Variants in TMEM179B observed in about 807,000 individuals in gnomAD.
The protein encoded by TMEM179B is transmembrane protein 179B.
A neutral mutation model predicts 18.0 loss-of-function variants in TMEM179B; 13 were observed. That is an observed-to-expected ratio of 0.72 (90% CI 0.47 to 1.15). TMEM179B has a LOEUF of 1.15. TMEM179B is among the 50% of genes most tolerant of loss of function. TMEM179B has a pLI of 0.00. For missense variants in TMEM179B, 320 were observed against 270.6 expected (o/e 1.18, Z -1.28); for synonymous variants, 159 against 117.5 (o/e 1.35, Z -2.29).
Position 62,789,635 on chromosome 11 carries a change from C to G in TMEM179B, c.454C>G (p.Pro152Ala). 1 of 1,550,652 alleles carries G rather than the reference C, an allele frequency of 6.4e-7. No individual in the cohort carries two copies. Among genetic ancestry groups the G allele is most frequent in the Non-Finnish European group, 8.7e-7 (1 of 1,152,618 alleles). Residue 152 changes from proline to alanine, a missense_variant, in exon 4 of 5, where the codon CCT becomes GCT. Coordinates refer to ENST00000333449, the MANE Select transcript of TMEM179B (RefSeq NM_199337.3). ...AGCCCAGAAAATTCCATGGACACCC[C>G]CTGGAACTGCTCTGCAGTTTTACTC... ...SEAQKIPWTP[P>A]GTALQFYSNL...
Position 62,789,385 on chromosome 11 carries a change from G to C in TMEM179B, c.378G>C (p.Arg126Ser), listed in dbSNP as rs1554999437. 1 of 1,613,878 alleles carries C rather than the reference G, an allele frequency of 6.2e-7. No homozygotes were observed. Among genetic ancestry groups the C allele is most frequent in the African/African-American group, 1.3e-5 (1 of 74,986 alleles). The change falls in exon 3 of 5, where the codon AGG (arginine) becomes AGC (serine). Residue 126 changes from arginine to serine, a missense_variant. Transcript: ENST00000333449. ...VSACILRFGTRSLCNSIISLN... is the reference protein window; with the variant it reads ...VSACILRFGTSSLCNSIISLN... The stretch of plus-strand genomic sequence containing the variant: ...CCTGTATCCTTCGATTTGGCACCAG[G>C]TCTCTCTGCAACTCCATCATCTCCT...
At chr11:62,787,888 G>A (rs1355529982) in intron 1 of TMEM179B, 1 of 557,516 alleles carries the variant, frequency 1.8e-6, no homozygotes, top group Non-Finnish European at 3.4e-6. Context: ...GCTGAGCTTT[G>A]TCGAGAAATA....
chr11:62,787,751 G>T (rs2084304842), intron 1 of TMEM179B: 3 of 686,382 alleles, frequency 4.4e-6, no homozygotes, highest in Non-Finnish European at 7.7e-6. Flanking sequence ...AAAGGGACGG[G>T]TCAGTAGCGT....
rs1241438185 is a variant in TMEM179B at position 62,789,668 on chromosome 11, C to G, written c.487C>G (p.His163Asp). The change falls in exon 4 of 5, where the codon CAC (histidine) becomes GAC (aspartate). Residue 163 changes from histidine to aspartate, a missense_variant. By Grantham distance (81) the His-to-Asp change is moderately conservative. Transcript: ENST00000333449. ...TGCTCTGCAGTTTTACTCCAACCTA[C>G]ACAATGCTGAAGTGAGACCCAAGGA... ...GTALQFYSNL[H>D]NAETSSWVNL... is the part of the protein sequence containing the mutation. 5.8e-6 allele frequency: 9 copies of G among 1,547,638 alleles called. No homozygotes were observed. The South Asian group carries it at 8.9e-5, about 15-fold the overall frequency.
At chr11:62,787,579 A>T (rs1285436153) in intron 1 of TMEM179B, 52 bp downstream of exon 1, 27 of 1,469,364 alleles carry the variant, frequency 1.8e-5, no homozygotes, top group South Asian at 2.7e-5. Context: ...CGGTCTGGAC[A>T]TGGCGAGGCC....
rs769209455 is a variant in TMEM179B at position 62,787,418 on chromosome 11, G to C, written c.-14G>C. The C allele has an allele frequency of 7.1e-6, 11 of 1,557,474 alleles. No individual in the cohort carries two copies. The highest frequency in any genetic ancestry group is 9.5e-6 in the Non-Finnish European group (11 of 1,159,774). On this transcript the variant is annotated 5_prime_UTR_variant, in exon 1 of 5. Transcript: ENST00000333449. ...GGTGCTGCTGCAGCGGCGCTTCCTG[G>C]TGGTCAGGGCGCCATGGCGCTGTCC...
rs1281236333 is a variant in TMEM179B, at chr11:62,789,041, T to C, written c.115T>C (p.Cys39Arg). 6.2e-7 allele frequency: 1 copy of C among 1,613,118 alleles called. No individual in the cohort carries two copies. The highest frequency in any genetic ancestry group is 8.5e-7 in the Non-Finnish European group (1 of 1,179,260). ...TRTQGSFSGR[C>R]PLYGVATLNG... is the part of the protein sequence containing the mutation. ...TCCACAGGGCTCCTTCAGTGGTAGA[T>C]GTCCCCTGTATGGTGTGGCCACCCT... Residue 39 changes from cysteine (C) to arginine (R), a missense_variant, in exon 2 of 5, where the codon TGT becomes CGT. Cys to Arg is a radical substitution (Grantham distance 180, BLOSUM62 -3). Transcript: ENST00000333449.
At position 62,787,545 on chromosome 11, in the gene TMEM179B, G is replaced by A. The variant is rs771693218; in HGVS notation, c.96+18G>A. The A allele has an allele frequency of 6.5e-7, 1 of 1,539,544 alleles. No individual in the cohort carries two copies. Among genetic ancestry groups the A allele is most frequent in the Non-Finnish European group, 8.7e-7 (1 of 1,152,126 alleles). On this transcript the variant is annotated intron_variant, in intron 1 of 4. Coordinates refer to ENST00000333449, the MANE Select transcript of TMEM179B (RefSeq NM_199337.3). ...GGACCCAGGTGCGGCTGCGGGGCGG[G>A]GTCAGGTAGGCGGGGGAGCTGGCCG...
In TMEM179B at chr11:62,789,210, GGT is replaced by G. The variant is rs2084328672; in HGVS notation, c.284+2_284+3del. The G allele has an allele frequency of 6.2e-7, 1 of 1,614,010 alleles. No individual in the cohort carries two copies. The highest frequency in any genetic ancestry group is 8.5e-7 in the Non-Finnish European group (1 of 1,179,974). On this transcript the variant is annotated splice_donor_variant, in intron 2 of 4. Coordinates refer to ENST00000333449, the MANE Select transcript of TMEM179B (RefSeq NM_199337.3). LOFTEE classifies it high-confidence loss of function. Reference sequence around the variant, plus strand: ...AGCAGCTGCATCGAGGACTCCCACAGGTGACTGCCTAACCCTGAGGGCCAGGG... The same window carrying G: ...AGCAGCTGCATCGAGGACTCCCACAGGACTGCCTAACCCTGAGGGCCAGGG...
chr11:62,788,427 G>A (rs568894471), intron 1 of TMEM179B, among the ~76,000 whole-genome samples: 4 of 151,528 alleles, frequency 2.6e-5, no homozygotes, highest in Non-Finnish European at 5.9e-5. Context: ...AACACTGGCC[G>A]GGCCTGGTGG....
chr11:62,790,355 A>AGGTACTGTTAGGCAG lies in TMEM179B; in HGVS notation c.*308_*309insGGTACTGTTAGGCAG, dbSNP rs2084345696. The AGGTACTGTTAGGCAG allele has an allele frequency of 5.5e-6, 3 of 545,370 alleles. No individual in the cohort carries two copies. In the African/African-American group the frequency reaches 5.7e-5, roughly 10 times the overall value. The allele number at this position is 545,370 out of a possible 1,614,324, so 33.8% of individuals were successfully genotyped here. A position where few individuals can be genotyped will look rare whatever the true frequency, so the allele number is the denominator to read the frequency against. On this transcript the variant is annotated 3_prime_UTR_variant, in exon 5 of 5. Transcript: ENST00000333449. ...CTGTTAGGCAGCTGCCCTAGGGATGACTGCTCCTTTATTTGTTGTTAATGA... is the reference window on the plus strand; with the variant it reads ...CTGTTAGGCAGCTGCCCTAGGGATGAGGTACTGTTAGGCAGCTGCTCCTTTATTTGTTGTTAATGA...
In TMEM179B at chr11:62,790,240, C is replaced by T. The variant is rs1414901576; in HGVS notation, c.*193C>T. On this transcript the variant is annotated 3_prime_UTR_variant, in exon 5 of 5. Transcript: ENST00000333449. ...TACCAAAATATTATATTACTGTCTT[C>T]ATCTTAGTAGTGAGTTTTTGATGTT... The T allele has an allele frequency of 9.4e-6, 6 of 639,206 alleles. No individual in the cohort carries two copies. Among genetic ancestry groups the T allele is most frequent in the African/African-American group, 1.8e-5 (1 of 54,552 alleles). The allele number at this position is 639,206 out of a possible 1,614,324, so 39.6% of individuals were successfully genotyped here.
chr11:62,787,609 G>T, intron 1 of TMEM179B, 82 bp downstream of exon 1: 1 of 1,426,400 alleles, frequency 7.0e-7, no homozygotes, highest in Non-Finnish European at 9.2e-7. Flanking sequence ...TTCCGACCGG[G>T]CTTGCTGCTG....
Position 62,787,461 on chromosome 11 carries a change from G to C in TMEM179B, c.30G>C (p.Glu10Asp). Residue 10 changes from glutamate (E) to aspartate (D), a missense_variant, in exon 1 of 5, where the codon GAG becomes GAC. Glu to Asp is a conservative substitution (Grantham distance 45). Coordinates refer to ENST00000333449, the MANE Select transcript of TMEM179B (RefSeq NM_199337.3). MALSWLQRVELALFAAAFLC... is the reference protein window; with the variant it reads MALSWLQRVDLALFAAAFLC... ...CGCTGTCCTGGCTGCAGCGCGTCGA[G>C]CTTGCGCTCTTTGCTGCCGCCTTCC... The C allele has an allele frequency of 1.9e-6, 3 of 1,574,962 alleles. No individual in the cohort carries two copies. Among genetic ancestry groups the C allele is most frequent in the South Asian group, 1.1e-5 (1 of 88,346 alleles).
rs754636767 is a variant in TMEM179B at position 62,789,907 on chromosome 11, G to A, written c.520G>A (p.Val174Ile). 1 of 1,613,972 alleles carries A rather than the reference G, an allele frequency of 6.2e-7. No individual in the cohort carries two copies. The highest frequency in any genetic ancestry group is 8.5e-7 in the Non-Finnish European group (1 of 1,179,944). ...NAETSSWVNLVLWCVVLVLQV... is the reference protein window; with the variant it reads ...NAETSSWVNLILWCVVLVLQV... ...ACAGACCTCTTCTTGGGTGAATTTG[G>A]TATTGTGGTGTGTGGTCTTGGTGCT... Residue 174 changes from valine (V) to isoleucine (I), a missense_variant, in exon 5 of 5, where the codon GTA (valine) becomes ATA (isoleucine). By Grantham distance (29) the Val-to-Ile change is conservative. Transcript: ENST00000333449.
At chr11:62,787,830 A>AAGTC in intron 1 of TMEM179B, 1 of 656,776 alleles carries the variant, frequency 1.5e-6, no homozygotes, top group Non-Finnish European at 2.8e-6. Context: ...TCCGAAACAG[A>AAGTC]AGTCAGTGCA....
At position 62,790,148 on chromosome 11, in the gene TMEM179B, T is replaced by G; in HGVS notation, c.*101T>G. 1 of 1,322,592 alleles carries G rather than the reference T, an allele frequency of 7.6e-7. No individual in the cohort carries two copies. The highest frequency in any genetic ancestry group is 2.6e-5 in the East Asian group (1 of 38,382). The allele number at this position is 1,322,592 out of a possible 1,614,324, so 81.9% of individuals were successfully genotyped here. ...TTATGTTGGGAGTCTTAGTTTTCCT[T>G]TCGTTGGGGGGTGGGGGGGAAACAT... On this transcript the variant is annotated 3_prime_UTR_variant, in exon 5 of 5. Coordinates refer to ENST00000333449, the MANE Select transcript of TMEM179B (RefSeq NM_199337.3).
rs776719240 is a variant in TMEM179B, at chr11:62,789,349, C to T, written c.342C>T (p.Val114=). The T allele has an allele frequency of 2.4e-5, 39 of 1,613,930 alleles. No homozygotes were observed. Among genetic ancestry groups the T allele is most frequent in the African/African-American group, 2.7e-5 (2 of 74,918 alleles). The change falls in exon 3 of 5, where the codon GTC becomes GTT. Residue 114 remains valine (V), a synonymous_variant. Coordinates refer to ENST00000333449, the MANE Select transcript of TMEM179B (RefSeq NM_199337.3). ...TCTCAGCTATAGCCGTCTTCCTGGT[C>T]TTGGTGTCTGCCTGTATCCTTCGAT... ...LAISAIAVFL[V]LVSACILRFG...
At position 62,787,528 on chromosome 11, in the gene TMEM179B, G is replaced by A. The variant is rs971646127; in HGVS notation, c.96+1G>A. 12 of 1,564,228 alleles carry A rather than the reference G, an allele frequency of 7.7e-6. No individual in the cohort carries two copies. In the East Asian group the frequency reaches 9.3e-5, roughly 12 times the overall value. ...GGCCGCGGCGATGACTCGGACCCAG[G>A]TGCGGCTGCGGGGCGGGGTCAGGTA... is the stretch of plus-strand genomic sequence containing the variant. On this transcript the variant is annotated splice_donor_variant, in intron 1 of 4. Coordinates refer to ENST00000333449, the MANE Select transcript of TMEM179B (RefSeq NM_199337.3). LOFTEE classifies it high-confidence loss of function.
Sources: allele counts gnomAD v4.1 joint callset (sites outside exome capture counted in the v4.1 genomes callset), GRCh38; gene constraint gnomAD v4.1.1; transcripts MANE v1.5; gene names NCBI Gene and HGNC (gene_info 2026-07-23, HGNC 2026-07-21).